NOXO1: variants seen among roughly 807,000 people sequenced by gnomAD.
The protein encoded by NOXO1 is NADPH oxidase organizer 1, also known as NADPH oxidase regulatory protein.
Under a neutral mutation model 33.3 loss-of-function variants are expected in NOXO1, and 38 were observed. The ratio of observed to expected loss-of-function variants is 1.14; its 90% CI spans 0.88 to 1.50. The LOEUF (loss-of-function observed/expected upper bound fraction) is 1.50. NOXO1 is among the 40% of genes most tolerant of loss of function. The pLI is 0.00. For missense variants in NOXO1, 675 were observed against 527.1 expected (o/e 1.28, Z -2.75); for synonymous variants, 302 against 237.3 (o/e 1.27, Z -2.51).
intron 4 of NOXO1, 64 bp downstream of exon 4, chr16:1,980,303 C>T (rs528002653): frequency 3.4e-5 from 52 of 1,540,942 alleles, no homozygotes; most frequent in Non-Finnish European, 3.9e-5. Flanking sequence ...TGTTCCCCCC[C>T]ACCCTGGACC....
chr16:1,979,832 G>C lies in NOXO1; in HGVS notation c.658C>G (p.Pro220Ala), dbSNP rs776413868. The C allele has an allele frequency of 1.3e-6, 2 of 1,573,488 alleles. No individual in the cohort carries two copies. The highest frequency in any genetic ancestry group is 3.6e-5 in the Admixed American group (2 of 54,896). The change falls in exon 6 of 8, where the codon CCG becomes GCG. Residue 220 changes from proline (P) to alanine (A), a missense_variant. Transcript: ENST00000356120. ...FPAPYLEEAA[P>A]GQGREGGPSL... ...GGGCCTCCCTCCCGGCCTTGGCCCG[G>C]GGCCGCCTCCTCCAGGTAGGGCGCT... is the stretch of plus-strand genomic sequence containing the variant.
rs762903707 is a variant in NOXO1, at chr16:1,980,418, C to A, written c.350G>T (p.Gly117Val). ...GTCCAGGGGTTGCGGTGCGAAGAAG[C>A]CAGTGATCGTCGGGCTCCGTGCCAC... ...ERVARSPTIT[G>V]FFAPQPLDLE... The change falls in exon 4 of 8, where the codon GGC becomes GTC. Residue 117 changes from glycine (G) to valine (V), a missense_variant. Gly to Val is a moderately radical substitution (Grantham distance 109). Coordinates refer to ENST00000356120, the MANE Select transcript of NOXO1 (RefSeq NM_172167.3). The A allele has an allele frequency of 6.2e-7, 1 of 1,602,902 alleles. No individual in the cohort carries two copies. The highest frequency in any genetic ancestry group is 1.1e-5 in the South Asian group (1 of 91,058).
Position 1,979,010 on chromosome 16 carries a change from C to A in NOXO1, c.*42G>T. Reference sequence around the variant, plus strand: ...TCCGCCCTCCCCGCTCCTCCCCAGCCCTGGGATGGCGCGGTCCATCCCCTC... The same window carrying A: ...TCCGCCCTCCCCGCTCCTCCCCAGCACTGGGATGGCGCGGTCCATCCCCTC... On this transcript the variant is annotated 3_prime_UTR_variant, in exon 8 of 8. Transcript: ENST00000356120. 1 of 1,510,642 alleles carries A rather than the reference C, an allele frequency of 6.6e-7. No homozygotes were observed. The highest frequency in any genetic ancestry group is 8.8e-7 in the Non-Finnish European group (1 of 1,135,630). The allele number at this position is 1,510,642 out of a possible 1,614,324, so 93.6% of individuals were successfully genotyped here.
chr16:1,979,402 T>G lies in NOXO1; in HGVS notation c.818+23A>C, dbSNP rs1352207711. On this transcript the variant is annotated intron_variant, in intron 7 of 7. Coordinates refer to ENST00000356120, the MANE Select transcript of NOXO1 (RefSeq NM_172167.3). Reference sequence around the variant, plus strand: ...CCCGCCCGCCTCGGCTAGCCTGCCCTGCCCACGCCCGCTCCCGCGTACCTG... The same window carrying G: ...CCCGCCCGCCTCGGCTAGCCTGCCCGGCCCACGCCCGCTCCCGCGTACCTG... 4 of 1,602,026 alleles carry G rather than the reference T, an allele frequency of 2.5e-6. No homozygotes were observed. The South Asian group carries it at 4.4e-5, about 18-fold the overall frequency.
In NOXO1 at chr16:1,978,975, G is replaced by T. The variant is rs1489970610; in HGVS notation, c.*77C>A. On this transcript the variant is annotated 3_prime_UTR_variant, in exon 8 of 8. Coordinates refer to ENST00000356120, the MANE Select transcript of NOXO1 (RefSeq NM_172167.3). ...AAATGGCCCCCTCCCATCCCTGCTG[G>T]CCAGGGAGATCCGCCCTCCCCGCTC... The T allele has an allele frequency of 7.3e-7, 1 of 1,370,088 alleles. No homozygotes were observed. The highest frequency in any genetic ancestry group is 9.8e-7 in the Non-Finnish European group (1 of 1,020,150). The allele number at this position is 1,370,088 out of a possible 1,614,324, so 84.9% of individuals were successfully genotyped here.
Position 1,979,429 on chromosome 16 carries a change from A to T in NOXO1, c.814T>A (p.Cys272Ser), listed in dbSNP as rs1369232370. Residue 272 changes from cysteine to serine, a missense_variant, in exon 7 of 8, where the codon TGC becomes AGC. Cys to Ser is a moderately radical substitution (Grantham distance 112, BLOSUM62 -1). Transcript: ENST00000356120. ...CCCACGCCCGCTCCCGCGTACCTGC[A>T]TAGCCACCAGCCGCGGTCTGACGTT... ...LETSDRGWWL[C>S]RYGDRAGLLP... The T allele has an allele frequency of 1.9e-6, 3 of 1,608,672 alleles. No individual in the cohort carries two copies. The highest frequency in any genetic ancestry group is 4.5e-5 in the East Asian group (2 of 44,802).
Position 1,979,474 on chromosome 16 carries a change from C to G in NOXO1, c.769G>C (p.Ala257Pro), listed in dbSNP as rs375086415. 8 of 1,611,644 alleles carry G rather than the reference C, an allele frequency of 5.0e-6. No individual in the cohort carries two copies. The highest frequency in any genetic ancestry group is 1.6e-4 in the Middle Eastern group (1 of 6,080). Residue 257 changes from alanine (A) to proline (P), a missense_variant, in exon 7 of 8, where the codon GCG becomes CCG. Physicochemically the swap from Ala to Pro is conservative, Grantham distance 27. Coordinates refer to ENST00000356120, the MANE Select transcript of NOXO1 (RefSeq NM_172167.3). Reference protein sequence around the residue: ...RADELSVPAGARVRVLETSDR... With the variant: ...RADELSVPAGPRVRVLETSDR... ...GACGTTTCCAACACGCGCACGCGCG[C>G]CCCCGCGGGCACGGACAGCTCATCT... is the stretch of plus-strand genomic sequence containing the variant.
chr16:1,978,978 AG>A lies in NOXO1; in HGVS notation c.*73del, dbSNP rs770493166. On this transcript the variant is annotated 3_prime_UTR_variant, in exon 8 of 8. Coordinates refer to ENST00000356120, the MANE Select transcript of NOXO1 (RefSeq NM_172167.3). ...TGGCCCCCTCCCATCCCTGCTGGCC[AG>A]GGAGATCCGCCCTCCCCGCTCCTCC... is the stretch of plus-strand genomic sequence containing the variant. The A allele has an allele frequency of 2.9e-6, 4 of 1,382,018 alleles. No individual in the cohort carries two copies. The African/African-American group carries it at 5.9e-5, about 20-fold the overall frequency. 85.6% of individuals were successfully genotyped at this position (1,382,018 alleles called of 1,614,324 possible).
Position 1,979,200 on chromosome 16 carries a change from G to T in NOXO1, c.968C>A (p.Pro323His). 6.8e-7 allele frequency: 1 copy of T among 1,464,938 alleles called. No homozygotes were observed. Among genetic ancestry groups the T allele is most frequent in the South Asian group, 1.4e-5 (1 of 73,808 alleles). 90.7% of individuals were successfully genotyped at this position (1,464,938 alleles called of 1,614,324 possible). Residue 323 changes from proline to histidine, a missense_variant, in exon 8 of 8, where the codon CCC becomes CAC. Transcript: ENST00000356120. ...FPEPSQATAP[P>H]PTVPTRPSPG... Reference sequence around the variant, plus strand: ...CGAAGGTCGGGTGGGCACGGTGGGGGGAGGGGCGGTGGCCTGGGAGGGTTC... The same window carrying T: ...CGAAGGTCGGGTGGGCACGGTGGGGTGAGGGGCGGTGGCCTGGGAGGGTTC...
At position 1,981,298 on chromosome 16, in the gene NOXO1, C is replaced by T; in HGVS notation, c.-119G>A. ...CTGGGATAGAATCCTGGCAACACCTCAAGCCTGTGGGGTCCTTGTGGAGCC... is the reference window on the plus strand; with the variant it reads ...CTGGGATAGAATCCTGGCAACACCTTAAGCCTGTGGGGTCCTTGTGGAGCC... On this transcript the variant is annotated 5_prime_UTR_variant, in exon 1 of 8. Coordinates refer to ENST00000356120, the MANE Select transcript of NOXO1 (RefSeq NM_172167.3). The T allele has an allele frequency of 6.7e-7, 1 of 1,495,432 alleles. No individual in the cohort carries two copies. The highest frequency in any genetic ancestry group is 1.3e-5 in the South Asian group (1 of 77,032). The allele number at this position is 1,495,432 out of a possible 1,614,324, so 92.6% of individuals were successfully genotyped here.
rs1227067165 is a variant in NOXO1, at chr16:1,981,184, G to A, written c.-5C>T. The A allele has an allele frequency of 1.5e-5, 24 of 1,613,498 alleles. No homozygotes were observed. In the East Asian group the frequency reaches 5.3e-4, roughly 36 times the overall value. ...TGGGTATCGGGGGCCTGCCATGGCT[G>A]TGGCTTCCAGGCTGCAGATTCCTGA... On this transcript the variant is annotated 5_prime_UTR_variant, in exon 1 of 8. Coordinates refer to ENST00000356120, the MANE Select transcript of NOXO1 (RefSeq NM_172167.3).
Position 1,980,740 on chromosome 16 carries a change from G to A in NOXO1, c.148-9C>T, listed in dbSNP as rs779064504. Reference sequence around the variant, plus strand: ...GTCTCCTTGAGGGTCTTCTGAGGGCGGGAACCAGGGCATTGGTCTTCCAGA... The same window carrying A: ...GTCTCCTTGAGGGTCTTCTGAGGGCAGGAACCAGGGCATTGGTCTTCCAGA... On this transcript the variant is annotated splice_polypyrimidine_tract_variant and intron_variant, in intron 2 of 7. Transcript: ENST00000356120. 2.8e-5 allele frequency: 44 copies of A among 1,589,802 alleles called. No individual in the cohort carries two copies. The highest frequency in any genetic ancestry group is 3.4e-5 in the Non-Finnish European group (40 of 1,167,664).
rs374593009 is a variant in NOXO1, at chr16:1,981,120, C to T, written c.60G>A (p.Arg20=). 19 of 1,613,434 alleles carry T rather than the reference C, an allele frequency of 1.2e-5. No individual in the cohort carries two copies. The highest frequency in any genetic ancestry group is 1.5e-5 in the Non-Finnish European group (18 of 1,179,936). ...VQGAALVQIK[R]LQTFAFSVRW... is the part of the protein sequence containing the mutation. ...GGACCCAGCCAGGTCTTACTTGGAGCCTCTTGATCTGCACCAGGGCTGCCC... is the reference window on the plus strand; with the variant it reads ...GGACCCAGCCAGGTCTTACTTGGAGTCTCTTGATCTGCACCAGGGCTGCCC... Residue 20 remains arginine, a synonymous_variant, in exon 1 of 8, where the codon AGG becomes AGA. Coordinates refer to ENST00000356120, the MANE Select transcript of NOXO1 (RefSeq NM_172167.3).
At position 1,979,642 on chromosome 16, in the gene NOXO1, G is replaced by C. The variant is rs746836254; in HGVS notation, c.701-100C>G. 6 of 1,293,532 alleles carry C rather than the reference G, an allele frequency of 4.6e-6. No individual in the cohort carries two copies. In the African/African-American group the frequency reaches 8.8e-5, roughly 19 times the overall value. 80.1% of individuals were successfully genotyped at this position (1,293,532 alleles called of 1,614,324 possible). On this transcript the variant is annotated intron_variant, in intron 6 of 7. Transcript: ENST00000356120. ...TCCTTGCTTGAGTCTGCTGACGGCG[G>C]GGCCGCTCTAAGACCGGTTCGGGGC...
rs377082863 is a variant in NOXO1, at chr16:1,979,914, G to C, written c.587-11C>G. The C allele has an allele frequency of 7.6e-6, 12 of 1,578,712 alleles. No individual in the cohort carries two copies. The highest frequency in any genetic ancestry group is 1.3e-5 in the African/African-American group (1 of 74,118). On this transcript the variant is annotated splice_polypyrimidine_tract_variant and intron_variant, in intron 5 of 7. Coordinates refer to ENST00000356120, the MANE Select transcript of NOXO1 (RefSeq NM_172167.3). The stretch of plus-strand genomic sequence containing the variant: ...CCACCAGCCACCAGCCTGTGCGCAA[G>C]AAGCGGGCAGGGACTCAAATCTCGA...
Position 1,980,037 on chromosome 16 carries a change from C to A in NOXO1, c.546G>T (p.Gln182His). The A allele has an allele frequency of 6.2e-7, 1 of 1,606,902 alleles. No individual in the cohort carries two copies. Among genetic ancestry groups the A allele is most frequent in the Admixed American group, 1.7e-5 (1 of 59,076 alleles). Reference sequence around the variant, plus strand: ...GCAGCACGTCCAGGCTCTCCTGGGCCTGCGCCTGAAAAGGCCTATCCCGCG... The same window carrying A: ...GCAGCACGTCCAGGCTCTCCTGGGCATGCGCCTGAAAAGGCCTATCCCGCG... ...QDTRDRPFQAQAQESLDVLLR... is the reference protein window; with the variant it reads ...QDTRDRPFQAHAQESLDVLLR... Residue 182 changes from glutamine (Q) to histidine (H), a missense_variant, in exon 5 of 8, where the codon CAG becomes CAT. Coordinates refer to ENST00000356120, the MANE Select transcript of NOXO1 (RefSeq NM_172167.3).
At chr16:1,980,625 T>A in intron 3 of NOXO1, 31 bp downstream of exon 3, 2 of 1,595,602 alleles carry the variant, frequency 1.3e-6, no homozygotes, top group Non-Finnish European at 1.7e-6. Flanking sequence ...AGCCACCGCC[T>A]TCCCCGCTCC....
Position 1,979,331 on chromosome 16 carries a change from G to A in NOXO1, c.837C>T (p.Gly279=). The change falls in exon 8 of 8, where the codon GGC becomes GGT. Residue 279 remains glycine, a synonymous_variant. Coordinates refer to ENST00000356120, the MANE Select transcript of NOXO1 (RefSeq NM_172167.3). ...WWLCRYGDRA[G]LLPAVLLRPE... is the part of the protein sequence containing the mutation. ...GCCGCAGCAGCACCGCGGGGAGTAGGCCCGCCCGGTCGCCGTACCTGCGAG... is the reference window on the plus strand; with the variant it reads ...GCCGCAGCAGCACCGCGGGGAGTAGACCCGCCCGGTCGCCGTACCTGCGAG... The A allele has an allele frequency of 1.3e-6, 2 of 1,574,696 alleles. No individual in the cohort carries two copies. Among genetic ancestry groups the A allele is most frequent in the Non-Finnish European group, 1.7e-6 (2 of 1,167,738 alleles).
chr16:1,980,243 C>G, intron 4 of NOXO1, 62 bp from the exon 5 acceptor site: 1 of 1,530,494 alleles, frequency 6.5e-7, no homozygotes, highest in Non-Finnish European at 8.8e-7. Context: ...ACTGGGGGCG[C>G]CACCCCGGCA....
Sources: allele counts gnomAD v4.1 joint callset, GRCh38; gene constraint gnomAD v4.1.1; transcripts MANE v1.5; gene names NCBI Gene and HGNC (gene_info 2026-07-23, HGNC 2026-07-21).